The following METAP2 variants were observed in gnomAD, a reference collection of about 807,000 sequenced individuals.
METAP2 encodes methionyl aminopeptidase 2.
METAP2 carries 25 observed loss-of-function variants against 59.4 expected under a neutral mutation model. The ratio of observed to expected loss-of-function variants is 0.42; its 90% CI spans 0.31 to 0.59. The LOEUF is 0.59. Ranked by LOEUF, METAP2 falls within the 20% of genes least tolerant of loss-of-function variation. The probability of loss-of-function intolerance (pLI) is 0.16; values close to 1 mark genes in which losing one functional copy is unlikely to be tolerated. For synonymous variants in METAP2, 214 were observed against 194.1 expected, an observed-to-expected ratio of 1.10 and a Z score of -0.85; for missense variants, 366 against 581.2, an observed-to-expected ratio of 0.63 and a Z score of 3.81.
chr12:95,500,793 G>A (rs574070268), intron 7 of METAP2, among the ~76,000 whole-genome samples: 6 of 152,158 alleles, frequency 3.9e-5, no homozygotes, highest in African/African-American at 1.4e-4. Context: ...ATTTTGTTAA[G>A]GATTTTGCAT....
chr12:95,475,614 T>A (rs1309134017), intron 1 of METAP2, among the ~76,000 whole-genome samples: 3 of 152,226 alleles, frequency 2.0e-5, no homozygotes, highest in African/African-American at 7.2e-5. Context: ...TTTAGTTTTT[T>A]AGTAATGGAC....
intron 4 of METAP2, among the ~76,000 whole-genome samples, chr12:95,486,317 A>C (rs1408896369): frequency 6.6e-6 from 1 of 152,072 alleles, no homozygotes; most frequent in Non-Finnish European, 1.5e-5. Context: ...GTTATCTACA[A>C]TTCCATTTGG....
intron 4 of METAP2, among the ~76,000 whole-genome samples, chr12:95,490,604 G>A (rs1048202092): frequency 3.1e-5 from 4 of 130,594 alleles, no homozygotes; most frequent in African/African-American, 1.2e-4. Flanking sequence ...GGGTGTTGCT[G>A]TATTGTCCAG....
At chr12:95,488,019 G>T (rs906391060) in intron 4 of METAP2, among the ~76,000 whole-genome samples, 2 of 152,110 alleles carry the variant, frequency 1.3e-5, no homozygotes, top group Non-Finnish European at 2.9e-5. Context: ...TCTTTCTCAT[G>T]TACTGGTAGT....
chr12:95,510,561 TCCTCCTGTTAGGTCCCA>T (rs1391626573), intron 8 of METAP2, among the ~76,000 whole-genome samples: 1 of 152,012 alleles, frequency 6.6e-6, no homozygotes, highest in African/African-American at 2.4e-5. Flanking sequence ...TGGCCCAAAC[TCCTCCTGTTAGGTCCCA>T]CCTCCCAACA....
At chr12:95,513,462 C>T (rs187346780) in intron 10 of METAP2, among the ~76,000 whole-genome samples, 190 bp from the exon 11 acceptor site, 172 of 152,238 alleles carry the variant, frequency 1.1e-3, no homozygotes, top group African/African-American at 3.8e-3. Flanking sequence ...CAGCTGGTGT[C>T]CTATTCAGCT....
At chr12:95,496,476 A>C (rs766198758) in intron 7 of METAP2, among the ~76,000 whole-genome samples, 6 of 151,882 alleles carry the variant, frequency 4.0e-5, no homozygotes, top group Non-Finnish European at 5.9e-5. Context: ...AATTTCCTCC[A>C]TTGTCAGCAT....
intron 7 of METAP2, 114 bp downstream of exon 7, chr12:95,496,212 T>A: frequency 1.7e-6 from 1 of 596,066 alleles, no homozygotes; most frequent in Non-Finnish European, 2.9e-6. Context: ...TTTGGGTAAT[T>A]AAGAGGAATA....
intron 7 of METAP2, among the ~76,000 whole-genome samples, chr12:95,503,697 C>T (rs987947867): frequency 6.6e-6 from 1 of 152,154 alleles, no homozygotes; most frequent in African/African-American, 2.4e-5. Context: ...CACGAGCCAA[C>T]CATGAGTTTA....
At position 95,512,803 on chromosome 12, in the gene METAP2, A is replaced by G. The variant is rs753774762; in HGVS notation, c.1071A>G (p.Glu357=). The G allele has an allele frequency of 4.5e-6, 7 of 1,568,240 alleles. 1 individual carries two copies. The South Asian group carries it at 5.6e-5, about 13-fold the overall frequency. The change falls in exon 10 of 11, where the codon GAA becomes GAG. Residue 357 remains glutamate, a splice_region_variant and synonymous_variant. Coordinates refer to ENST00000323666, the MANE Select transcript of METAP2 (RefSeq NM_006838.4). Reference sequence around the variant, plus strand: ...CTTGACCCTTATTTATTTTTCAGGAAGGAGAAGTATATGCAATTGAAACCT... The same window carrying G: ...CTTGACCCTTATTTATTTTTCAGGAGGGAGAAGTATATGCAATTGAAACCT... ...VKGGEATRME[E]GEVYAIETFG...
chr12:95,485,575 A>G (rs1203473100), intron 3 of METAP2, among the ~76,000 whole-genome samples: 3 of 152,118 alleles, frequency 2.0e-5, no homozygotes, highest in Non-Finnish European at 4.4e-5. Flanking sequence ...CAACCTCTCT[A>G]TGCTGTTCCA....
chr12:95,474,375 G>C (rs1403627813), intron 1 of METAP2, 45 bp downstream of exon 1: 2 of 1,602,094 alleles, frequency 1.2e-6, no homozygotes, highest in Non-Finnish European at 1.7e-6. Flanking sequence ...GGGAACGGCT[G>C]AACTGTTTGG....
At chr12:95,506,892 A>G (rs758086848) in intron 8 of METAP2, among the ~76,000 whole-genome samples, 3 of 151,844 alleles carry the variant, frequency 2.0e-5, no homozygotes, top group Non-Finnish European at 2.9e-5. Context: ...TTGGATCACT[A>G]TAAGCTCAGC....
chr12:95,486,013 T>A, intron 4 of METAP2, 32 bp downstream of exon 4: 1 of 1,409,312 alleles, frequency 7.1e-7, no homozygotes, highest in Non-Finnish European at 9.9e-7. Flanking sequence ...CCAGTTTAAT[T>A]TCTGACAGTT....
intron 8 of METAP2, among the ~76,000 whole-genome samples, chr12:95,504,950 G>A (rs1354721966): frequency 2.0e-5 from 3 of 152,118 alleles, no homozygotes; most frequent in East Asian, 1.9e-4. Flanking sequence ...GGTGCTGTAC[G>A]TTAACCTCTG....
At chr12:95,494,295 C>A in intron 5 of METAP2, 78 bp downstream of exon 5, 3 of 1,317,750 alleles carry the variant, frequency 2.3e-6, no homozygotes, top group Non-Finnish European at 3.1e-6. Context: ...TAATGTTTGG[C>A]TTTCATTACC....
At chr12:95,478,014 G>T (rs973993826) in intron 2 of METAP2, among the ~76,000 whole-genome samples, 2 of 152,160 alleles carry the variant, frequency 1.3e-5, no homozygotes, top group African/African-American at 2.4e-5. Flanking sequence ...TCCTGGGCCT[G>T]TCAGGCTAGT....
chr12:95,485,908 C>G lies in METAP2; in HGVS notation c.355C>G (p.Pro119Ala), dbSNP rs1565776921. The G allele has an allele frequency of 6.3e-7, 1 of 1,581,800 alleles. No homozygotes were observed. The stretch of plus-strand genomic sequence containing the variant: ...AGTTCAAACAGACCCTCCCTCAGTT[C>G]CAATATGTGACCTGTATCCTAATGG... ...PKVQTDPPSVPICDLYPNGVF... is the reference protein window; with the variant it reads ...PKVQTDPPSVAICDLYPNGVF... The change falls in exon 4 of 11, where the codon CCA becomes GCA. Residue 119 changes from proline (P) to alanine (A), a missense_variant. By Grantham distance (27) the Pro-to-Ala change is conservative (BLOSUM62 -1). Transcript: ENST00000323666.
At chr12:95,488,836 A>G (rs1198996350) in intron 4 of METAP2, among the ~76,000 whole-genome samples, 1 of 152,084 alleles carries the variant, frequency 6.6e-6, no homozygotes, top group Non-Finnish European at 1.5e-5. Context: ...TATCCCAAAC[A>G]GTTCTTTTTA....
Sources: allele counts gnomAD v4.1 joint callset (sites outside exome capture counted in the v4.1 genomes callset), GRCh38; gene constraint gnomAD v4.1.1; transcripts MANE v1.5; gene names NCBI Gene and HGNC (gene_info 2026-07-23, HGNC 2026-07-21).